Variants in GALNT13 observed in about 807,000 individuals in gnomAD.
GALNT13 encodes the protein UDP-GalNAc:polypeptide N-acetylgalactosaminyltransferase 13.
Under a neutral mutation model 64.2 loss-of-function variants are expected in GALNT13, and 28 were observed. The ratio of observed to expected loss-of-function variants is 0.44; its 90% CI spans 0.32 to 0.60. The LOEUF is 0.60. Among genes scored for constraint, GALNT13 ranks in the 20% least tolerant of loss-of-function variants. The pLI is 0.05. For missense variants in GALNT13, 577 were observed against 669.8 expected (o/e 0.86, Z 1.53); for synonymous variants, 214 against 224.6 (o/e 0.95, Z 0.42).
the GALNT13 span, among the ~76,000 whole-genome samples, chr2:153,333,538 T>C: frequency 6.6e-6 from 1 of 152,156 alleles, no homozygotes; most frequent in African/African-American, 2.4e-5. Context: ...TATTTCCAAG[T>C]GGTTGAGGCA....
At chr2:153,361,918 G>A in the GALNT13 span, among the ~76,000 whole-genome samples, 2,243 of 152,174 alleles carry the variant, frequency 0.015, 63 homozygotes, top group African/African-American at 0.051. Context: ...ACACATAATC[G>A]TCAGATTGTC....
At chr2:153,190,222 C>G in the GALNT13 span, among the ~76,000 whole-genome samples, 1 of 151,852 alleles carries the variant, frequency 6.6e-6, no homozygotes, top group South Asian at 2.1e-4. Context: ...AGTTTTATAG[C>G]TTTGGATATT....
the GALNT13 span, among the ~76,000 whole-genome samples, chr2:153,345,723 TTCCTTCCTTCC>T: frequency 7.2e-5 from 6 of 82,866 alleles, no homozygotes; most frequent in Non-Finnish European, 1.6e-4. Context: ...CTTTCTGTCC[TTCCTTCCTTCC>T]TTCCTTCCTT....
At chr2:153,685,482 T>A in the GALNT13 span, among the ~76,000 whole-genome samples, 2 of 151,872 alleles carry the variant, frequency 1.3e-5, no homozygotes, top group Non-Finnish European at 2.9e-5. Flanking sequence ...AGTGACTGTT[T>A]ATGTCTTTTG....
chr2:153,367,342 T>G, the GALNT13 span, among the ~76,000 whole-genome samples: 3 of 152,052 alleles, frequency 2.0e-5, no homozygotes, highest in African/African-American at 4.8e-5. Flanking sequence ...CAGTATGACA[T>G]GATTTGAAGG....
the GALNT13 span, among the ~76,000 whole-genome samples, chr2:153,150,114 T>G: frequency 2.2e-4 from 33 of 152,026 alleles, no homozygotes; most frequent in African/African-American, 7.7e-4. Flanking sequence ...TGTATTGAAT[T>G]AGTTCTCTTT....
chr2:154,101,153 TTTGTTG>T (rs143375745), intron 3 of GALNT13, among the ~76,000 whole-genome samples: 5 of 151,200 alleles, frequency 3.3e-5, no homozygotes, highest in African/African-American at 9.7e-5. Context: ...CAGGGATATT[TTTGTTG>T]TTGTTGTTGT....
intron 9 of GALNT13, among the ~76,000 whole-genome samples, chr2:154,322,144 C>CTTTT (rs70983718): frequency 1.2e-4 from 2 of 16,632 alleles, no homozygotes; most frequent in Non-Finnish European, 1.0e-4. Flanking sequence ...AAAATATGTA[C>CTTTT]TTTTTTTTTT....
chr2:153,981,563 C>A (rs2105159682), intron 3 of GALNT13, among the ~76,000 whole-genome samples: 1 of 152,222 alleles, frequency 6.6e-6, no homozygotes, highest in East Asian at 1.9e-4. Flanking sequence ...TTTTTTATGG[C>A]TGCATAGTAT....
At chr2:153,124,287 G>C in the GALNT13 span, among the ~76,000 whole-genome samples, 14,508 of 152,280 alleles carry the variant, frequency 0.095, 794 homozygotes, top group African/African-American at 0.12. Flanking sequence ...TCCTGAGCCA[G>C]AGAACTCGAG....
chr2:153,210,314 A>T, the GALNT13 span, among the ~76,000 whole-genome samples: 1 of 152,156 alleles, frequency 6.6e-6, no homozygotes, highest in Non-Finnish European at 1.5e-5. Context: ...AAGTAGAGGA[A>T]ATTCCTTTTA....
the GALNT13 span, among the ~76,000 whole-genome samples, chr2:153,274,197 T>G: frequency 6.6e-6 from 1 of 152,036 alleles, no homozygotes; most frequent in Non-Finnish European, 1.5e-5. Flanking sequence ...GAGCGAGACT[T>G]CATTAAAAAA....
the GALNT13 span, among the ~76,000 whole-genome samples, chr2:153,231,470 T>C: frequency 1.3e-5 from 2 of 152,194 alleles, no homozygotes; most frequent in Non-Finnish European, 2.9e-5. Context: ...ATCTTATTCT[T>C]AAGAGCATAA....
chr2:154,438,559 CA>C (rs765646311), intron 11 of GALNT13, 32 bp from the exon 12 acceptor site: 4 of 1,539,936 alleles, frequency 2.6e-6, no homozygotes, highest in Admixed American at 1.7e-5. Context: ...TTAAAACATA[CA>C]TTTTTTTTAT....
intron 3 of GALNT13, among the ~76,000 whole-genome samples, chr2:153,946,860 G>C (rs1691791575): frequency 6.6e-6 from 1 of 152,064 alleles, no homozygotes; most frequent in Admixed American, 6.6e-5. Flanking sequence ...TTCATTTTCA[G>C]TTGTCACTTG....
At chr2:153,341,519 T>TTA in the GALNT13 span, among the ~76,000 whole-genome samples, 1 of 152,232 alleles carries the variant, frequency 6.6e-6, no homozygotes, top group Non-Finnish European at 1.5e-5. Context: ...ATATCAATGA[T>TTA]TAGCCTTGCT....
the GALNT13 span, among the ~76,000 whole-genome samples, chr2:153,206,656 G>A: frequency 6.6e-6 from 1 of 151,914 alleles, no homozygotes; most frequent in African/African-American, 2.4e-5. Flanking sequence ...AAAGGACAAG[G>A]AAAATTTATG....
the GALNT13 span, among the ~76,000 whole-genome samples, chr2:153,649,495 G>A: frequency 7.0e-6 from 1 of 143,536 alleles, no homozygotes; most frequent in Non-Finnish European, 1.5e-5. Flanking sequence ...GTTATTTCTT[G>A]CCTTCTGCTA....
At chr2:153,708,576 G>A in the GALNT13 span, among the ~76,000 whole-genome samples, 2 of 152,238 alleles carry the variant, frequency 1.3e-5, no homozygotes, top group African/African-American at 4.8e-5. Flanking sequence ...TGTGGCTTTA[G>A]TGTAAATCAA....
Sources: allele counts gnomAD v4.1 joint callset (sites outside exome capture counted in the v4.1 genomes callset), GRCh38; gene constraint gnomAD v4.1.1; transcripts MANE v1.5; gene names NCBI Gene and HGNC (gene_info 2026-07-23, HGNC 2026-07-21).